The following LYST variants were observed in gnomAD, a reference collection of about 807,000 sequenced individuals.
LYST encodes the protein lysosomal-trafficking regulator.
Under a neutral mutation model 413.6 loss-of-function variants are expected in LYST, and 192 were observed. That is an observed-to-expected ratio of 0.46 (90% CI 0.41 to 0.52). LYST has a LOEUF of 0.52. Ranked by LOEUF, LYST falls within the 20% of genes least tolerant of loss-of-function variation. The pLI is 0.00. For synonymous variants in LYST, 1,525 were observed against 1,567.3 expected (o/e 0.97, Z 0.64); for missense variants, 3,815 against 4,499.9 (o/e 0.85, Z 4.35).
intron 18 of LYST, among the ~76,000 whole-genome samples, chr1:235,774,277 C>T (rs1669001925): frequency 1.3e-5 from 2 of 152,204 alleles, no homozygotes; most frequent in South Asian, 2.1e-4. Flanking sequence ...TGCTATTAGG[C>T]TTTAAAACGT....
chr1:235,765,136 C>T (rs180688851), intron 21 of LYST, among the ~76,000 whole-genome samples: 120 of 152,248 alleles, frequency 7.9e-4, no homozygotes, highest in Middle Eastern at 3.4e-3. Context: ...CATGCTGTAA[C>T]CCTCATTCCC....
chr1:235,746,980 A>G (rs1665988019), intron 28 of LYST, among the ~76,000 whole-genome samples: 5 of 152,236 alleles, frequency 3.3e-5, no homozygotes, highest in Admixed American at 3.3e-4. Flanking sequence ...AAAACTGTGT[A>G]TAGTGACAAA....
chr1:235,801,424 T>A (rs57456150), intron 8 of LYST, among the ~76,000 whole-genome samples: 5,503 of 150,792 alleles, frequency 0.036, 331 homozygotes, highest in African/African-American at 0.13. Flanking sequence ...GACCCCCCCC[T>A]CAAATACCTA....
chr1:235,815,199 C>T (rs1673924504), intron 3 of LYST, among the ~76,000 whole-genome samples: 1 of 152,140 alleles, frequency 6.6e-6, no homozygotes, highest in African/African-American at 2.4e-5. Context: ...ATTTCTTGAT[C>T]CCCCTACTAA....
chr1:235,852,685 A>G (rs758173110), intron 1 of LYST, among the ~76,000 whole-genome samples: 1 of 152,214 alleles, frequency 6.6e-6, no homozygotes, highest in Non-Finnish European at 1.5e-5. Context: ...TTGACAATAA[A>G]GGAAAACTGC....
At position 235,755,653 on chromosome 1, in the gene LYST, CA is replaced by C. The variant is rs778982743; in HGVS notation, c.7060-7del. On this transcript the variant is annotated splice_polypyrimidine_tract_variant and splice_region_variant and intron_variant, in intron 24 of 52. Coordinates refer to ENST00000389793, the MANE Select transcript of LYST (RefSeq NM_000081.4). ...GCAAAATATGCATCTAATAGCTAAACAAAAAATTTAAGTCAATTTAGATAAT... is the reference window on the plus strand; with the variant it reads ...GCAAAATATGCATCTAATAGCTAAACAAAAATTTAAGTCAATTTAGATAAT... 2 of 1,561,282 alleles carry C rather than the reference CA, an allele frequency of 1.3e-6. No individual in the cohort carries two copies. Among genetic ancestry groups the C allele is most frequent in the Non-Finnish European group, 1.8e-6 (2 of 1,133,082 alleles).
intron 1 of LYST, among the ~76,000 whole-genome samples, chr1:235,852,401 A>G (rs898635813): frequency 1.3e-5 from 2 of 152,214 alleles, no homozygotes; most frequent in Non-Finnish European, 2.9e-5. Context: ...GGGCCCCAAA[A>G]GTAGGATAGT....
rs771549954 is a variant in LYST at position 235,812,976 on chromosome 1, G to C, written c.278C>G (p.Ala93Gly). ...VWKIPVQEEK[A>G]TDFNLPLSAD... ...GATAAAGGGAAAAAGCATACCTGTT[G>C]CCTTTTCTTCTTGGACAGGTATCTT... The change falls in exon 4 of 53, where the codon GCA becomes GGA. Residue 93 changes from alanine to glycine, a missense_variant. Coordinates refer to ENST00000389793, the MANE Select transcript of LYST (RefSeq NM_000081.4). 2.9e-5 allele frequency: 47 copies of C among 1,603,486 alleles called. No individual in the cohort carries two copies. The highest frequency in any genetic ancestry group is 3.9e-5 in the Non-Finnish European group (46 of 1,170,568).
intron 25 of LYST, 63 bp downstream of exon 25, chr1:235,755,415 A>AAAGAG: frequency 7.2e-7 from 1 of 1,388,454 alleles, no homozygotes; most frequent in South Asian, 1.2e-5. Flanking sequence ...AAAGAAAAGA[A>AAAGAG]AAGAAAAGAA....
Position 235,674,713 on chromosome 1 carries a change from A to G in LYST, c.11038+2378T>C, listed in dbSNP as rs559137129. On this transcript the variant is annotated intron_variant, in intron 50 of 52. Transcript: ENST00000389793. The surrounding 1 kb of genome is among the most constrained non-coding windows in gnomAD (Gnocchi z 4.1). ...GCCCTTAACATAATATTGGCCAAAA[A>G]GGGCGGGGTCTGTGTCATGATTGGA... is the stretch of plus-strand genomic sequence containing the variant. 1.3e-5 allele frequency among the ~76,000 whole-genome samples: 2 copies of G among 152,324 alleles called. No individual in the cohort carries two copies. Among genetic ancestry groups the G allele is most frequent in the Admixed American group, 6.5e-5 (1 of 15,298 alleles).
At chr1:235,881,883 T>C (rs1681390739) in intron 1 of LYST, among the ~76,000 whole-genome samples, 1 of 152,056 alleles carries the variant, frequency 6.6e-6, no homozygotes, top group African/African-American at 2.4e-5. Flanking sequence ...GAGGAGTTAG[T>C]GTTCAATGGG....
intron 3 of LYST, among the ~76,000 whole-genome samples, chr1:235,815,415 A>C (rs528395462): frequency 6.6e-6 from 1 of 152,342 alleles, no homozygotes; most frequent in Admixed American, 6.5e-5. Context: ...CAGGCTATTT[A>C]GGATGGGCTA....
chr1:235,737,898 C>T (rs945858144), intron 31 of LYST: 26 of 1,140,066 alleles, frequency 2.3e-5, no homozygotes, highest in Non-Finnish European at 2.8e-5. Flanking sequence ...AGCGAAGGTG[C>T]TGGAGCCGCT....
Position 235,810,446 on chromosome 1 carries a change from T to C in LYST, c.372A>G (p.Leu124=), listed in dbSNP as rs1233751084. The change falls in exon 5 of 53, where the codon TTA becomes TTG. Residue 124 remains leucine, a synonymous_variant. Coordinates refer to ENST00000389793, the MANE Select transcript of LYST (RefSeq NM_000081.4). ...SQRSTQEKLH[L]EGSALSSQVS... is the part of the protein sequence containing the mutation. The stretch of plus-strand genomic sequence containing the variant: ...CCTGACTAGACAGGGCACTTCCTTC[T>C]AAATGTAATTTTTCCTGAGTGGATC... 3.1e-6 allele frequency: 5 copies of C among 1,610,112 alleles called. No individual in the cohort carries two copies. In the Admixed American group the frequency reaches 6.8e-5, roughly 22 times the overall value.
intron 31 of LYST, among the ~76,000 whole-genome samples, chr1:235,741,158 T>G (rs1665368978): frequency 6.6e-6 from 1 of 152,220 alleles, no homozygotes; most frequent in Non-Finnish European, 1.5e-5. Flanking sequence ...CAAGATGTGT[T>G]AACACATTAC....
chr1:235,684,282 T>C (rs767558843), intron 48 of LYST, among the ~76,000 whole-genome samples: 18 of 151,996 alleles, frequency 1.2e-4, no homozygotes, highest in Admixed American at 7.2e-4. Flanking sequence ...CAATTAAAAA[T>C]GGAGAAGTAG....
intron 50 of LYST, among the ~76,000 whole-genome samples, chr1:235,666,590 GCACACACACACACACATACACACACACA>G (rs1658490243): frequency 1.3e-5 from 1 of 74,532 alleles, no homozygotes; most frequent in Non-Finnish European, 3.1e-5. Flanking sequence ...AGACACACAT[GCACACACACACACACATACACACACACA>G]CACACACACA....
intron 3 of LYST, among the ~76,000 whole-genome samples, chr1:235,825,701 T>G (rs948955395): frequency 1.3e-5 from 2 of 152,244 alleles, no homozygotes; most frequent in Non-Finnish European, 2.9e-5. Context: ...TAAATAGAGT[T>G]TGATATCATG....
chr1:235,666,590 G>GCACACACA (rs1214218772), intron 50 of LYST, among the ~76,000 whole-genome samples: 44 of 74,592 alleles, frequency 5.9e-4, no homozygotes, highest in Middle Eastern at 0.01. Flanking sequence ...AGACACACAT[G>GCACACACA]CACACACACA....
Sources: gnomAD v4.1 joint callset for allele counts (sites outside exome capture counted in the v4.1 genomes callset) on GRCh38, gnomAD v4.1.1 for gene constraint, Gnocchi (gnomAD v3.1) non-coding constraint, MANE v1.5 for transcripts, NCBI Gene and HGNC (gene_info 2026-07-23, HGNC 2026-07-21) for gene names.